ACAD11: variants seen among roughly 807,000 people sequenced by gnomAD.
ACAD11 encodes acyl-CoA dehydrogenase family member 11.
ACAD11 carries 83 observed loss-of-function variants against 102.2 expected under a neutral mutation model. That is an observed-to-expected ratio of 0.81 (90% CI 0.68 to 0.97). ACAD11 has a LOEUF of 0.97. Among genes scored for constraint, ACAD11 ranks in the 50% least tolerant of loss-of-function variants. The pLI, the probability that ACAD11 is intolerant of heterozygous loss-of-function variation, is 0.00. For synonymous variants in ACAD11, 324 were observed against 319.8 expected, an observed-to-expected ratio of 1.01 and a Z score of -0.14; for missense variants, 901 against 951.7, an observed-to-expected ratio of 0.95 and a Z score of 0.70.
chr3:132,575,235 T>A (rs1310792607), intron 17 of ACAD11, among the ~76,000 whole-genome samples: 2 of 152,190 alleles, frequency 1.3e-5, no homozygotes, highest in East Asian at 3.9e-4. Flanking sequence ...AATTTACAGA[T>A]GATAATTCAA....
At chr3:132,624,324 AG>A (rs1200678665) in intron 9 of ACAD11, among the ~76,000 whole-genome samples, 5 of 148,222 alleles carry the variant, frequency 3.4e-5, no homozygotes, top group Non-Finnish European at 7.5e-5. Context: ...AAAAAAAAAA[AG>A]GCCGGGCGTG....
chr3:132,594,598 T>C (rs1022549003), intron 13 of ACAD11, among the ~76,000 whole-genome samples: 1 of 152,156 alleles, frequency 6.6e-6, no homozygotes, highest in Non-Finnish European at 1.5e-5. Context: ...AAAATTTAAA[T>C]AAGTACCAAC....
intron 13 of ACAD11, among the ~76,000 whole-genome samples, chr3:132,590,226 C>T (rs977857614): frequency 6.6e-6 from 1 of 152,170 alleles, no homozygotes. Context: ...AATGGGATTG[C>T]TGGGTTGAAT....
chr3:132,620,373 T>G (rs1204319560), intron 9 of ACAD11: 1 of 152,222 alleles, frequency 6.6e-6, no homozygotes, highest in Non-Finnish European at 1.5e-5. Context: ...CAGTGCCTGC[T>G]AATACCTGGC....
chr3:132,601,895 G>A (rs1178890574), intron 13 of ACAD11: 2 of 256,840 alleles, frequency 7.8e-6, no homozygotes, highest in African/African-American at 4.7e-5. Flanking sequence ...GGGTACCCAG[G>A]ACCACTCTGT....
chr3:132,609,822 CA>C (rs1939037064), intron 11 of ACAD11, among the ~76,000 whole-genome samples: 1 of 151,918 alleles, frequency 6.6e-6, no homozygotes, highest in African/African-American at 2.4e-5. Context: ...GGAGACACAA[CA>C]AAAAAAGAAA....
At chr3:132,571,346 T>G (rs1280870757) in intron 17 of ACAD11, among the ~76,000 whole-genome samples, 1 of 124,484 alleles carries the variant, frequency 8.0e-6, no homozygotes, top group Admixed American at 7.6e-5. Flanking sequence ...TTTTTAACGG[T>G]TTTTTTTTTT....
intron 13 of ACAD11, among the ~76,000 whole-genome samples, chr3:132,594,815 G>A (rs1156643796): frequency 1.3e-5 from 2 of 152,130 alleles, no homozygotes; most frequent in Non-Finnish European, 2.9e-5. Flanking sequence ...AGATCAAAGA[G>A]ATTATTATCT....
chr3:132,617,153 C>T (rs1939439602), intron 11 of ACAD11, among the ~76,000 whole-genome samples: 1 of 152,144 alleles, frequency 6.6e-6, no homozygotes, highest in Admixed American at 6.5e-5. Flanking sequence ...GTCCCATAAT[C>T]ATCCTACTAC....
chr3:132,592,915 T>C (rs1268928003), intron 13 of ACAD11, among the ~76,000 whole-genome samples: 1 of 152,154 alleles, frequency 6.6e-6, no homozygotes, highest in East Asian at 1.9e-4. Context: ...ACTGAATCCA[T>C]CTCTAGGTTT....
At chr3:132,659,300 G>C (rs922631989) in intron 1 of ACAD11, among the ~76,000 whole-genome samples, 26 of 152,196 alleles carry the variant, frequency 1.7e-4, no homozygotes, top group Non-Finnish European at 3.4e-4. Flanking sequence ...CTATTTCTCA[G>C]AATTTGTAGC....
intron 13 of ACAD11, among the ~76,000 whole-genome samples, chr3:132,590,801 A>C (rs1938042626): frequency 6.6e-6 from 1 of 152,160 alleles, no homozygotes; most frequent in Non-Finnish European, 1.5e-5. Flanking sequence ...CTGCATATAT[A>C]TCTTCCTTTG....
chr3:132,641,802 T>C (rs1940534899), intron 4 of ACAD11, among the ~76,000 whole-genome samples, 170 bp downstream of exon 4: 1 of 152,172 alleles, frequency 6.6e-6, no homozygotes, highest in Admixed American at 6.5e-5. Flanking sequence ...CAAAACCTAA[T>C]ATAAAAACAT....
At chr3:132,630,672 A>T in intron 6 of ACAD11, 114 bp from the exon 7 acceptor site, 1 of 793,020 alleles carries the variant, frequency 1.3e-6, no homozygotes, top group African/African-American at 1.8e-5. Context: ...ATTAGCCCTT[A>T]CAACAAAACA....
At chr3:132,623,134 T>G (rs1330548607) in intron 9 of ACAD11, among the ~76,000 whole-genome samples, 1 of 152,208 alleles carries the variant, frequency 6.6e-6, no homozygotes, top group Non-Finnish European at 1.5e-5. Context: ...TTTATAATAT[T>G]CAAGGAGTTT....
Position 132,630,422 on chromosome 3 carries a change from A to G in ACAD11, c.963+15T>C, listed in dbSNP as rs200090091. On this transcript the variant is annotated intron_variant, in intron 7 of 19. Coordinates refer to ENST00000264990, the MANE Select transcript of ACAD11 (RefSeq NM_032169.5). ...GTAAATAATGGCGAAACACACGTTT[A>G]AAACAATTAATTACCTGTGCTATTC... 6.2e-7 allele frequency: 1 copy of G among 1,608,690 alleles called. No individual in the cohort carries two copies. The highest frequency in any genetic ancestry group is 8.5e-7 in the Non-Finnish European group (1 of 1,178,080).
chr3:132,568,457 A>G (rs547345512), intron 17 of ACAD11, among the ~76,000 whole-genome samples: 2 of 152,342 alleles, frequency 1.3e-5, no homozygotes, highest in Non-Finnish European at 2.9e-5. Flanking sequence ...TCCACATAGT[A>G]AAGATATCAA....
At chr3:132,559,438 A>T (rs1391138933) in intron 19 of ACAD11, among the ~76,000 whole-genome samples, 1 of 152,088 alleles carries the variant, frequency 6.6e-6, no homozygotes, top group Non-Finnish European at 1.5e-5. Context: ...CTCTATCTCC[A>T]TTGTGATAGA....
intron 17 of ACAD11, among the ~76,000 whole-genome samples, chr3:132,566,766 G>C (rs1479963621): frequency 6.6e-6 from 1 of 152,176 alleles, no homozygotes; most frequent in Non-Finnish European, 1.5e-5. Flanking sequence ...TAAAGGAAAT[G>C]TTAAAGGAAG....
Sources: gnomAD v4.1 joint callset for allele counts (sites outside exome capture counted in the v4.1 genomes callset) on GRCh38, gnomAD v4.1.1 for gene constraint, MANE v1.5 for transcripts, NCBI Gene and HGNC (gene_info 2026-07-23, HGNC 2026-07-21) for gene names.